USP35: variants seen among roughly 807,000 people sequenced by gnomAD.
USP35 encodes the protein ubiquitin specific peptidase 35, also known as ubiquitin carboxyl-terminal hydrolase 35.
Under a neutral mutation model 83.8 loss-of-function variants are expected in USP35, and 69 were observed. That is an observed-to-expected ratio of 0.82 (90% CI 0.68 to 1.01). The LOEUF (loss-of-function observed/expected upper bound fraction) is 1.01, where lower values mean the gene tolerates loss of function less well. Ranked by LOEUF, USP35 falls within the 50% of genes least tolerant of loss-of-function variation. The pLI, the probability that USP35 is intolerant of heterozygous loss-of-function variation, is 0.00. For missense variants in USP35, 1,503 were observed against 1,362.5 expected (o/e 1.10, Z -1.62); for synonymous variants, 714 against 589.5 (o/e 1.21, Z -3.06).
At chr11:78,205,161 G>A (rs972495454) in intron 6 of USP35, among the ~76,000 whole-genome samples, 3 of 152,208 alleles carry the variant, frequency 2.0e-5, no homozygotes, top group African/African-American at 7.2e-5. Context: ...ATAATGAGTG[G>A]GAAGCATGCC....
At chr11:78,212,641 C>T (rs1863831428) in intron 10 of USP35, among the ~76,000 whole-genome samples, 1 of 150,826 alleles carries the variant, frequency 6.6e-6, no homozygotes, top group Non-Finnish European at 1.5e-5. Context: ...GTATTTTATT[C>T]TGTTTGTAGC....
At position 78,200,593 on chromosome 11, in the gene USP35, C is replaced by G. The variant is rs1863318661; in HGVS notation, c.1039-57C>G. ...TGCGTGCTGTCAGCAGGGACCACAG[C>G]CCCGTGTCTCAGGTGGGCGGGTTGG... On this transcript the variant is annotated intron_variant, in intron 5 of 10. Transcript: ENST00000529308. 1.9e-6 allele frequency: 3 copies of G among 1,552,142 alleles called. No homozygotes were observed. The Admixed American group carries it at 5.7e-5, about 30-fold the overall frequency.
chr11:78,191,905 A>G (rs1052071088), intron 1 of USP35, among the ~76,000 whole-genome samples: 1 of 142,530 alleles, frequency 7.0e-6, no homozygotes, highest in Non-Finnish European at 1.5e-5. Context: ...GTGCAGTGGC[A>G]TGATCTCGGC....
rs765443661 is a variant in USP35, at chr11:78,200,210, G to A, written c.1014G>A (p.Gln338=). 6.2e-7 allele frequency: 1 copy of A among 1,614,122 alleles called. No homozygotes were observed. The highest frequency in any genetic ancestry group is 2.2e-5 in the East Asian group (1 of 44,870). Residue 338 remains glutamine, a synonymous_variant, in exon 5 of 11, where the codon CAG becomes CAA. Transcript: ENST00000529308. Reference sequence around the variant, plus strand: ...TCAAGTACATGCTCCTGACCTTCCAGCACTCCCACGAAGCCTTCCACCTGG... The same window carrying A: ...TCAAGTACATGCTCCTGACCTTCCAACACTCCCACGAAGCCTTCCACCTGG... The part of the protein sequence containing the change: ...SVLKYMLLTF[Q]HSHEAFHLLL...
chr11:78,234,872 T>C, the USP35 span, among the ~76,000 whole-genome samples: 6 of 151,946 alleles, frequency 3.9e-5, no homozygotes, highest in African/African-American at 1.2e-4. Flanking sequence ...TAGCCAAGCA[T>C]GGTGGCACGC....
Position 78,207,632 on chromosome 11 carries a change from A to G in USP35, c.1485+9A>G. 1 of 1,613,412 alleles carries G rather than the reference A, an allele frequency of 6.2e-7. No homozygotes were observed. Among genetic ancestry groups the G allele is most frequent in the Non-Finnish European group, 8.5e-7 (1 of 1,179,810 alleles). ...TCCTAGAACACAGCCAGGTGAGTGT[A>G]GGGGCAGTCAGAGGGGGGTGGAGAG... On this transcript the variant is annotated intron_variant, in intron 8 of 10. Transcript: ENST00000529308.
the USP35 span, among the ~76,000 whole-genome samples, chr11:78,222,469 G>C: frequency 6.6e-6 from 1 of 150,858 alleles, no homozygotes; most frequent in Admixed American, 6.6e-5. Flanking sequence ...TTTGACAACA[G>C]ATTTTTCTCC....
rs753585197 is a variant in USP35, at chr11:78,210,565, G to C, written c.2710G>C (p.Glu904Gln). The change falls in exon 10 of 11, where the codon GAA becomes CAA. Residue 904 changes from glutamate (E) to glutamine (Q), a missense_variant. Coordinates refer to ENST00000529308, the MANE Select transcript of USP35 (RefSeq NM_020798.4). ...CACTCGGGTGTCCTTCTCTTCCTTC[G>C]AATCTGTCAGCAACGTCACCTCCTT... ...NDTRVSFSSF[E>Q]SVSNVTSFFP... is the part of the protein sequence containing the mutation. 4.3e-6 allele frequency: 7 copies of C among 1,613,034 alleles called. No homozygotes were observed. The highest frequency in any genetic ancestry group is 1.6e-4 in the Middle Eastern group (1 of 6,082).
intron 6 of USP35, among the ~76,000 whole-genome samples, chr11:78,204,446 C>CCAT (rs1863474092): frequency 6.6e-6 from 1 of 152,148 alleles, no homozygotes; most frequent in Non-Finnish European, 1.5e-5. Context: ...GCCAAGGGAG[C>CCAT]CATCACACAT....
the USP35 span, chr11:78,222,088 C>A: frequency 1.9e-6 from 3 of 1,548,698 alleles, no homozygotes; most frequent in Non-Finnish European, 2.7e-6. Flanking sequence ...CTCCCACCCC[C>A]ACACATACGC....
At chr11:78,205,713 T>C (rs1863508550) in intron 6 of USP35, 129 bp from the exon 7 acceptor site, 2 of 982,836 alleles carry the variant, frequency 2.0e-6, no homozygotes, top group South Asian at 3.2e-5. Flanking sequence ...CCCCAGAACA[T>C]CTGTGGGGGG....
downstream of USP35, chr11:78,220,206 G>A: frequency 2.8e-6 from 3 of 1,087,876 alleles, no homozygotes; most frequent in South Asian, 4.3e-5. Flanking sequence ...GGGTACTGGA[G>A]CAGGAGGGAG....
chr11:78,217,893 C>G (rs1864228924), downstream of USP35: 1 of 152,414 alleles, frequency 6.6e-6, no homozygotes, highest in South Asian at 2.1e-4. Flanking sequence ...TCAGCCATGC[C>G]TGATGTGGTC....
At chr11:78,200,316 G>A in intron 5 of USP35, 82 bp downstream of exon 5, 1 of 1,495,608 alleles carries the variant, frequency 6.7e-7, no homozygotes, top group Non-Finnish European at 9.2e-7. Context: ...CCCTGGTAAG[G>A]GCCCTGCCTG....
chr11:78,205,622 GGCA>G (rs1863506468), intron 6 of USP35, among the ~76,000 whole-genome samples: 2 of 152,130 alleles, frequency 1.3e-5, no homozygotes, highest in South Asian at 4.1e-4. Context: ...GCCACCTTAA[GGCA>G]GTCCTGACCT....
At chr11:78,208,300 T>A (rs1426740942) in intron 8 of USP35, among the ~76,000 whole-genome samples, 1 of 152,198 alleles carries the variant, frequency 6.6e-6, no homozygotes, top group Non-Finnish European at 1.5e-5. Context: ...GCATGTTGCT[T>A]CATTCTGCTG....
chr11:78,209,404 G>A (rs747984110), intron 9 of USP35, 44 bp from the exon 10 acceptor site: 2 of 1,514,492 alleles, frequency 1.3e-6, no homozygotes, highest in Non-Finnish European at 1.8e-6. Context: ...GCCCCGGAAG[G>A]GGACCCGCAT....
intron 10 of USP35, 54 bp downstream of exon 10, chr11:78,210,798 C>A: frequency 6.8e-7 from 1 of 1,477,894 alleles, no homozygotes; most frequent in Non-Finnish European, 9.0e-7. Flanking sequence ...GGAGTCCAGT[C>A]CCACTACTGG....
At chr11:78,190,851 GC>G (rs1862982109) in intron 1 of USP35, among the ~76,000 whole-genome samples, 1 of 152,176 alleles carries the variant, frequency 6.6e-6, no homozygotes, top group Admixed American at 6.5e-5. Flanking sequence ...TCAGGAAAAA[GC>G]CCCCTGCTCC....
Sources: allele counts gnomAD v4.1 joint callset (sites outside exome capture counted in the v4.1 genomes callset), GRCh38; gene constraint gnomAD v4.1.1; transcripts MANE v1.5; gene names NCBI Gene and HGNC (gene_info 2026-07-23, HGNC 2026-07-21).